STAG2: variants seen among roughly 807,000 people sequenced by gnomAD.
The protein encoded by STAG2 is STAG2 cohesin complex component.
In STAG2, 14 loss-of-function variants were observed where a neutral mutation model predicts 108.1. The ratio of observed to expected loss-of-function variants is 0.13; its 90% confidence interval spans 0.09 to 0.20. The LOEUF (loss-of-function observed/expected upper bound fraction) is 0.20, where lower values mean the gene tolerates loss of function less well. STAG2 is among the 10% of genes least tolerant of loss of function. The pLI is 1.00. For synonymous variants in STAG2, 307 were observed against 302.7 expected (o/e 1.01, Z -0.15); for missense variants, 440 against 940.9 (o/e 0.47, Z 6.96).
chrX:124,049,871 T>G (rs770201301), intron 10 of STAG2, among the ~76,000 whole-genome samples: 12 of 112,272 alleles, frequency 1.1e-4, no homozygotes, highest in African/African-American at 3.6e-4. Context: ...GCCAGACAAG[T>G]GTGCCTGCTG....
chrX:123,968,328 C>T (rs1176237348), intron 1 of STAG2, among the ~76,000 whole-genome samples: 4 of 112,049 alleles, frequency 3.6e-5, no homozygotes, highest in Non-Finnish European at 5.6e-5. Flanking sequence ...TAAGCTCTGC[C>T]TAACTTAAGG....
intron 1 of STAG2, among the ~76,000 whole-genome samples, chrX:124,015,420 C>T (rs1280728965): frequency 2.9e-5 from 3 of 101,732 alleles, no homozygotes; most frequent in Admixed American, 1.1e-4. Context: ...CATCTTGCTC[C>T]GTTGCCCAGT....
intron 5 of STAG2, among the ~76,000 whole-genome samples, chrX:124,031,833 C>T (rs147079202): frequency 0.16 from 17,198 of 108,092 alleles, 1,156 homozygotes; most frequent in South Asian, 0.36. Flanking sequence ...TGGGTTCAGG[C>T]GATTCTCCTG....
At chrX:124,094,212 T>C in intron 33 of STAG2, 68 bp downstream of exon 33, 2 of 1,074,370 alleles carry the variant, frequency 1.9e-6, no homozygotes, top group Non-Finnish European at 2.5e-6. Context: ...TGGATATTTA[T>C]TAGAGTAGAG....
chrX:123,967,607 G>A (rs977922124), intron 1 of STAG2, among the ~76,000 whole-genome samples: 3 of 110,601 alleles, frequency 2.7e-5, no homozygotes, highest in South Asian at 3.8e-4. Flanking sequence ...GCTTAACGGC[G>A]GGCATACCTT....
chrX:124,094,187 T>A, intron 33 of STAG2, 43 bp downstream of exon 33: 1 of 1,142,387 alleles, frequency 8.8e-7, no homozygotes, highest in Non-Finnish European at 1.2e-6. Context: ...AGTTTAGATC[T>A]TTTGAAAATT....
intron 1 of STAG2, among the ~76,000 whole-genome samples, chrX:123,963,963 A>T (rs2053982775): frequency 1.8e-5 from 2 of 111,695 alleles, no homozygotes; most frequent in Non-Finnish European, 3.8e-5. Context: ...GAAGATAATA[A>T]TGAGAGGAGG....
chrX:124,019,366 A>G (rs186920112), intron 1 of STAG2, among the ~76,000 whole-genome samples: 38 of 110,556 alleles, frequency 3.4e-4, no homozygotes, highest in African/African-American at 1.1e-3. Flanking sequence ...GCATTCTTAT[A>G]TTTAATAATA....
intron 1 of STAG2, among the ~76,000 whole-genome samples, chrX:124,000,925 A>T (rs73212918): frequency 0.15 from 16,214 of 111,113 alleles, 1,124 homozygotes; most frequent in South Asian, 0.36. Flanking sequence ...ACAAATAAAA[A>T]TTTTAAAAAT....
intron 32 of STAG2, among the ~76,000 whole-genome samples, chrX:124,092,945 C>T (rs925030854): frequency 6.3e-5 from 7 of 111,520 alleles, no homozygotes; most frequent in Admixed American, 9.5e-5. Context: ...GATCAGAGAT[C>T]GTATCTTGTT....
At chrX:124,078,308 G>A (rs2058851998) in intron 27 of STAG2, among the ~76,000 whole-genome samples, 1 of 111,749 alleles carries the variant, frequency 8.9e-6, no homozygotes, top group East Asian at 2.8e-4. Context: ...TTTATAATGT[G>A]TATGCCATTT....
chrX:124,056,104 C>A, intron 13 of STAG2, 24 bp from the exon 14 acceptor site: 1 of 1,078,920 alleles, frequency 9.3e-7, no homozygotes, highest in Non-Finnish European at 1.3e-6. Flanking sequence ...TTACTAAAAG[C>A]ACCTGTTACT....
At chrX:124,082,474 G>C (rs746710081) in intron 28 of STAG2, among the ~76,000 whole-genome samples, 3 of 111,735 alleles carry the variant, frequency 2.7e-5, no homozygotes, top group Non-Finnish European at 3.8e-5. Context: ...TGCTCATTTA[G>C]TTATAAAAGT....
rs1195797823 is a variant in STAG2, at chrX:124,037,514, C to T, written c.289-13C>T. ...AAGAAGCTAATGATTTTATTTTTTT[C>T]CCTCTGCTGTAGTCGGTGGTAGATG... On this transcript the variant is annotated splice_polypyrimidine_tract_variant and intron_variant, in intron 5 of 34. Transcript: ENST00000371145. The T allele has an allele frequency of 3.7e-6, 4 of 1,090,165 alleles. No individual in the cohort carries two copies. The African/African-American group carries it at 5.6e-5, about 15-fold the overall frequency. 89.8% of individuals were successfully genotyped at this position (1,090,165 alleles called of 1,213,427 possible). A position where few individuals can be genotyped will look rare whatever the true frequency, so the allele number is the denominator to read the frequency against.
intron 29 of STAG2, among the ~76,000 whole-genome samples, chrX:124,083,944 T>A (rs1320722124): frequency 9.0e-6 from 1 of 111,532 alleles, no homozygotes; most frequent in African/African-American, 3.3e-5. Flanking sequence ...TTATCTGCAT[T>A]TGTGCCTTAA....
At chrX:124,094,280 T>G (rs2059326187) in intron 33 of STAG2, 136 bp downstream of exon 33, 1 of 560,185 alleles carries the variant, frequency 1.8e-6, no homozygotes, top group Admixed American at 3.8e-5. Context: ...GCCAGGGGTT[T>G]AGATATATGG....
At chrX:124,038,166 T>C (rs1461224459) in intron 6 of STAG2, among the ~76,000 whole-genome samples, 1 of 112,174 alleles carries the variant, frequency 8.9e-6, no homozygotes, top group Non-Finnish European at 1.9e-5. Flanking sequence ...TATTTTGAAC[T>C]GGGAAAGATG....
chrX:123,993,548 G>C (rs2055581921), intron 1 of STAG2, among the ~76,000 whole-genome samples: 1 of 110,936 alleles, frequency 9.0e-6, no homozygotes, highest in African/African-American at 3.3e-5. Context: ...TGGCATTTGA[G>C]TGAATAATGT....
intron 5 of STAG2, among the ~76,000 whole-genome samples, chrX:124,031,869 T>C (rs2057357007): frequency 9.2e-6 from 1 of 109,055 alleles, no homozygotes; most frequent in Admixed American, 9.9e-5. Context: ...TAGCTGGGAT[T>C]ACAGGTGCCC....
Sources: gnomAD v4.1 joint callset for allele counts (sites outside exome capture counted in the v4.1 genomes callset) on GRCh38, gnomAD v4.1.1 for gene constraint, MANE v1.5 for transcripts, NCBI Gene and HGNC (gene_info 2026-07-23, HGNC 2026-07-21) for gene names.